Variants in OPHN1 observed in about 807,000 individuals in gnomAD.
OPHN1 encodes the protein oligophrenin-1.
Under a neutral mutation model 60.7 loss-of-function variants are expected in OPHN1, and 11 were observed. That is an observed-to-expected ratio of 0.18 (90% confidence interval 0.11 to 0.30). OPHN1 has a LOEUF of 0.30. OPHN1 is among the 10% of genes least tolerant of loss of function. OPHN1 has a pLI of 1.00. For missense variants in OPHN1, 449 were observed against 611.0 expected, an observed-to-expected ratio of 0.73 and a Z score of 2.80; for synonymous variants, 226 against 222.6, an observed-to-expected ratio of 1.02 and a Z score of -0.14.
In OPHN1 at chrX:68,301,427, C is replaced by T. The variant is rs1173919009; in HGVS notation, c.155-2331G>A. Among the ~76,000 whole-genome samples, 3 of 85,361 alleles carry T rather than the reference C, an allele frequency of 3.5e-5. No individual in the cohort carries two copies. In the East Asian group the frequency reaches 1.1e-3, roughly 30 times the overall value. The allele number at this position is 85,361 out of a possible 115,157, so 74.1% of individuals were successfully genotyped here. A position where few individuals can be genotyped will look rare whatever the true frequency, so the allele number is the denominator to read the frequency against. On this transcript the variant is annotated intron_variant, in intron 2 of 24. Coordinates refer to ENST00000355520, the MANE Select transcript of OPHN1 (RefSeq NM_002547.3). The stretch of plus-strand genomic sequence containing the variant: ...TGCCACTGAACTCCAGCCTGGGTGC[C>T]AGAGCGAGACTCCATCTCAAAAAAA...
intron 2 of OPHN1, among the ~76,000 whole-genome samples, chrX:68,359,845 G>T (rs1316767293): frequency 1.4e-5 from 1 of 73,303 alleles, no homozygotes; most frequent in African/African-American, 6.1e-5. Context: ...GACAGAGCGA[G>T]ACTCCGTCTC....
intron 2 of OPHN1, among the ~76,000 whole-genome samples, chrX:68,329,227 A>G (rs1255005827): frequency 8.9e-6 from 1 of 112,308 alleles, no homozygotes; most frequent in Non-Finnish European, 1.9e-5. Context: ...CTCAAATCTT[A>G]ATGATGTGAA....
At chrX:68,239,239 G>T (rs967954828) in intron 5 of OPHN1, among the ~76,000 whole-genome samples, 2 of 111,675 alleles carry the variant, frequency 1.8e-5, no homozygotes, top group Admixed American at 1.9e-4. Context: ...TGTCCTCCTG[G>T]TGTCTGCCGG....
intron 18 of OPHN1, among the ~76,000 whole-genome samples, chrX:68,110,702 C>A (rs181872597): frequency 2.6e-4 from 29 of 112,260 alleles, no homozygotes; most frequent in Non-Finnish European, 5.6e-5. Context: ...TTTTTGGAGA[C>A]CACATGCCTC....
intron 2 of OPHN1, among the ~76,000 whole-genome samples, chrX:68,403,163 G>C (rs1481888319): frequency 1.8e-5 from 2 of 112,248 alleles, no homozygotes; most frequent in Non-Finnish European, 3.8e-5. Context: ...TGTTAAATAG[G>C]AAAAGCAGCA....
At chrX:68,171,603 G>T (rs972428475) in intron 15 of OPHN1, among the ~76,000 whole-genome samples, 1 of 110,969 alleles carries the variant, frequency 9.0e-6, no homozygotes, top group Non-Finnish European at 1.9e-5. Flanking sequence ...AGGGCTGGTG[G>T]TGCATGCCTG....
intron 12 of OPHN1, 113 bp from the exon 13 acceptor site, chrX:68,194,611 C>T: frequency 1.1e-5 from 7 of 664,469 alleles, no homozygotes; most frequent in Non-Finnish European, 1.7e-5. Flanking sequence ...TGATTAGAAA[C>T]TCCAGGATGT....
chrX:68,123,481 A>G (rs1440277157), intron 15 of OPHN1, among the ~76,000 whole-genome samples: 1 of 112,134 alleles, frequency 8.9e-6, no homozygotes, highest in East Asian at 2.8e-4. Context: ...AAGTAGAAAG[A>G]CTAAACAATG....
rs1241985292 is a variant in OPHN1 at position 68,328,187 on chromosome X, G to A, written c.155-29091C>T. ...TCTGTCGCCCAGGCTGGAGTGCAGT[G>A]GCGCGATCTCGGCTCACTGCAAGCT... On this transcript the variant is annotated intron_variant, in intron 2 of 24. Transcript: ENST00000355520. 7.0e-5 allele frequency among the ~76,000 whole-genome samples: 7 copies of A among 100,650 alleles called. No individual in the cohort carries two copies. The Admixed American group carries it at 7.8e-4, about 11-fold the overall frequency. The allele number at this position is 100,650 out of a possible 115,157, so 87.4% of individuals were successfully genotyped here.
At chrX:68,090,742 T>C (rs1221080289) in intron 19 of OPHN1, among the ~76,000 whole-genome samples, 1 of 111,348 alleles carries the variant, frequency 9.0e-6, no homozygotes, top group South Asian at 3.8e-4. Flanking sequence ...CCGGCCAGTT[T>C]ATAGGAAGAA....
At chrX:68,112,911 C>T (rs747802020) in intron 17 of OPHN1, among the ~76,000 whole-genome samples, 5 of 112,173 alleles carry the variant, frequency 4.5e-5, no homozygotes, top group Non-Finnish European at 9.4e-5. Flanking sequence ...GCAATGAATA[C>T]ATATATAAAT....
At chrX:68,266,352 A>G (rs995272210) in intron 5 of OPHN1, among the ~76,000 whole-genome samples, 3 of 111,856 alleles carry the variant, frequency 2.7e-5, no homozygotes, top group African/African-American at 9.8e-5. Flanking sequence ...CTAGAAGCCA[A>G]AAGAGAGTGG....
chrX:68,162,585 GTCTC>G (rs1310005623), intron 15 of OPHN1, among the ~76,000 whole-genome samples: 2 of 109,997 alleles, frequency 1.8e-5, no homozygotes, highest in African/African-American at 6.6e-5. Flanking sequence ...GGGAAGAATT[GTCTC>G]TCTATGGAAA....
rs775099221 is a variant in OPHN1, at chrX:68,167,795, G to C, written c.1276+25124C>G. 2.5e-3 allele frequency among the ~76,000 whole-genome samples: 269 copies of C among 109,313 alleles called. 1 individual carries two copies. The highest frequency in any genetic ancestry group is 8.7e-3 in the African/African-American group (260 of 30,014). 94.9% of individuals were successfully genotyped at this position (109,313 alleles called of 115,157 possible). A position where few individuals can be genotyped will look rare whatever the true frequency, so the allele number is the denominator to read the frequency against. ...AGATATCTGCCCATCCATGTTTGTT[G>C]CAGCACTGTTCACAATAGCCAAGAT... On this transcript the variant is annotated intron_variant, in intron 15 of 24. Transcript: ENST00000355520.
chrX:68,125,100 G>A (rs185298901), intron 15 of OPHN1, among the ~76,000 whole-genome samples: 1 of 111,588 alleles, frequency 9.0e-6, no homozygotes, highest in African/African-American at 3.3e-5. Flanking sequence ...ATGATCAGTG[G>A]GCCAATGGTA....
chrX:68,112,778 A>G (rs2147431768), intron 17 of OPHN1, among the ~76,000 whole-genome samples: 1 of 112,398 alleles, frequency 8.9e-6, no homozygotes, highest in East Asian at 2.8e-4. Context: ...ACAATGGTTC[A>G]CAACACAGTC....
chrX:68,080,125 A>G (rs2147380119), intron 19 of OPHN1, among the ~76,000 whole-genome samples: 1 of 112,109 alleles, frequency 8.9e-6, no homozygotes, highest in East Asian at 2.8e-4. Context: ...ATGACTCTTC[A>G]CTGTCTTCGG....
intron 5 of OPHN1, among the ~76,000 whole-genome samples, chrX:68,252,962 C>T (rs375607269): frequency 9.1e-6 from 1 of 110,237 alleles, no homozygotes; most frequent in Admixed American, 9.7e-5. Flanking sequence ...TGGACCTCCT[C>T]GAAGATTGCT....
At chrX:68,380,417 G>A (rs1447858562) in intron 2 of OPHN1, among the ~76,000 whole-genome samples, 1 of 111,181 alleles carries the variant, frequency 9.0e-6, no homozygotes, top group Non-Finnish European at 1.9e-5. Context: ...GGTTTTTTGT[G>A]TCTCTATTTC....
Sources: gnomAD v4.1 joint callset for allele counts (sites outside exome capture counted in the v4.1 genomes callset) on GRCh38, gnomAD v4.1.1 for gene constraint, MANE v1.5 for transcripts, NCBI Gene and HGNC (gene_info 2026-07-23, HGNC 2026-07-21) for gene names.